Variants in SGMS1 observed in about 807,000 individuals in gnomAD.
SGMS1 encodes the protein sphingomyelin synthase 1.
Under a neutral mutation model 46.2 loss-of-function variants are expected in SGMS1, and 13 were observed. The observed-to-expected ratio is 0.28, with a 90% CI of 0.18 to 0.45. SGMS1 has a LOEUF of 0.45. Ranked by LOEUF, SGMS1 falls within the 20% of genes least tolerant of loss-of-function variation. The probability of loss-of-function intolerance (pLI) is 1.00; values close to 1 mark genes in which losing one functional copy is unlikely to be tolerated. For synonymous variants in SGMS1, 203 were observed against 187.8 expected (o/e 1.08, Z -0.66); for missense variants, 324 against 519.9 (o/e 0.62, Z 3.66).
chr10:50,560,339 TTATTAATA>T (rs1838224725), intron 2 of SGMS1, among the ~76,000 whole-genome samples: 2 of 137,768 alleles, frequency 1.5e-5, no homozygotes, highest in South Asian at 4.4e-4. Context: ...ATTATTAATA[TTATTAATA>T]ATATATATTA....
At chr10:50,420,309 CTTCTTTCATATCTGGACCA>C (rs1215394549) in intron 6 of SGMS1, among the ~76,000 whole-genome samples, 17 of 152,226 alleles carry the variant, frequency 1.1e-4, no homozygotes, top group African/African-American at 3.9e-4. Flanking sequence ...AACATGAAGG[CTTCTTTCATATCTGGACCA>C]TTTTTTCCAT....
At position 50,372,742 on chromosome 10, in the gene SGMS1, T is replaced by A. The variant is rs149019498; in HGVS notation, c.-231-28397A>T. ...GCTAAGATTTTTACATGGGAAAGTA[T>A]ATACCTCCTTTAATCATACCATTTC... is the stretch of plus-strand genomic sequence containing the variant. On this transcript the variant is annotated intron_variant, in intron 6 of 10. Transcript: ENST00000361781. Among the ~76,000 whole-genome samples, 318 of 152,192 alleles carry A rather than the reference T, an allele frequency of 2.1e-3. 2 individuals carry two copies. The highest frequency in any genetic ancestry group is 7.3e-3 in the African/African-American group (304 of 41,526).
chr10:50,459,553 G>A (rs964883970), intron 5 of SGMS1, among the ~76,000 whole-genome samples: 4 of 152,028 alleles, frequency 2.6e-5, no homozygotes, highest in Middle Eastern at 3.2e-3. Context: ...ACAGGCACCC[G>A]CCACCATGCC....
chr10:50,550,164 G>A (rs1013464423), intron 2 of SGMS1, among the ~76,000 whole-genome samples: 2 of 152,184 alleles, frequency 1.3e-5, no homozygotes, highest in African/African-American at 4.8e-5. Context: ...ACAACAGGCA[G>A]AGTAGATATT....
intron 6 of SGMS1, among the ~76,000 whole-genome samples, chr10:50,405,991 A>C (rs989503007): frequency 6.6e-6 from 1 of 152,218 alleles, no homozygotes; most frequent in Non-Finnish European, 1.5e-5. Flanking sequence ...ATGATGAAGT[A>C]CTACTGGAAG....
At chr10:50,422,858 G>A (rs572067174) in intron 6 of SGMS1, among the ~76,000 whole-genome samples, 12 of 152,146 alleles carry the variant, frequency 7.9e-5, no homozygotes, top group East Asian at 1.9e-4. Flanking sequence ...CAAAAGAGCC[G>A]TTACCACCCG....
At chr10:50,529,538 G>A (rs943267846) in intron 2 of SGMS1, among the ~76,000 whole-genome samples, 6 of 152,266 alleles carry the variant, frequency 3.9e-5, no homozygotes, top group East Asian at 1.9e-4. Context: ...GTCAGAAAAC[G>A]TGGAATTACA....
At chr10:50,510,547 T>C (rs1837744224) in intron 3 of SGMS1, among the ~76,000 whole-genome samples, 1 of 152,160 alleles carries the variant, frequency 6.6e-6, no homozygotes, top group Non-Finnish European at 1.5e-5. Context: ...CTTGGTATTA[T>C]CTGTTTTTGT....
At position 50,623,904 on chromosome 10, in the gene SGMS1, G is replaced by T; in HGVS notation, c.-881C>A. The T allele has an allele frequency of 1.9e-5, 19 of 987,032 alleles. No individual in the cohort carries two copies. The highest frequency in any genetic ancestry group is 2.2e-5 in the Non-Finnish European group (18 of 831,290). 61.1% of individuals were successfully genotyped at this position (987,032 alleles called of 1,614,324 possible). ...TGCCCGCCGCCTGCCGCCCGCAGCC[G>T]CTGCCCCGCTGGTGCGAACGCTTTC... On this transcript the variant is annotated 5_prime_UTR_variant, in exon 1 of 11. Transcript: ENST00000361781.
At chr10:50,617,623 C>CGTG (rs2131941705) in intron 1 of SGMS1, among the ~76,000 whole-genome samples, 1 of 152,136 alleles carries the variant, frequency 6.6e-6, no homozygotes, top group South Asian at 2.1e-4. Flanking sequence ...ACTCTGTCAC[C>CGTG]CAGGATGGAG....
chr10:50,510,666 C>T (rs1490232390), intron 3 of SGMS1, among the ~76,000 whole-genome samples: 2 of 151,424 alleles, frequency 1.3e-5, no homozygotes, highest in Non-Finnish European at 2.9e-5. Context: ...AAGATACAAA[C>T]ATTGTAGAAT....
At chr10:50,523,597 T>G (rs1350953951) in intron 2 of SGMS1, among the ~76,000 whole-genome samples, 1 of 152,230 alleles carries the variant, frequency 6.6e-6, no homozygotes, top group Non-Finnish European at 1.5e-5. Context: ...TGAAAGTTAG[T>G]TGCTCTTCTT....
intron 1 of SGMS1, among the ~76,000 whole-genome samples, chr10:50,608,947 A>G (rs1465689043): frequency 6.6e-6 from 1 of 152,198 alleles, no homozygotes; most frequent in African/African-American, 2.4e-5. Context: ...ACATAATACA[A>G]TGTAAATGCT....
At chr10:50,426,030 T>C (rs1046440997) in intron 6 of SGMS1, among the ~76,000 whole-genome samples, 4 of 152,292 alleles carry the variant, frequency 2.6e-5, no homozygotes, top group Admixed American at 2.6e-4. Flanking sequence ...AGGATATTAA[T>C]TAAAATAGAT....
chr10:50,592,906 A>AGCCTCCAAGATGGCCCATGGTGATATCC (rs1838555409), intron 1 of SGMS1, among the ~76,000 whole-genome samples: 1 of 151,776 alleles, frequency 6.6e-6, no homozygotes, highest in Non-Finnish European at 1.5e-5. Context: ...TGTGGTAGCC[A>AGCCTCCAAGATGGCCCATGGTGATATCC]GCCTCCAAGA....
At chr10:50,432,229 AAC>A (rs1229930621) in intron 6 of SGMS1, among the ~76,000 whole-genome samples, 2 of 152,214 alleles carry the variant, frequency 1.3e-5, no homozygotes, top group Non-Finnish European at 2.9e-5. Flanking sequence ...CTGGTTGTTA[AAC>A]ACAGTCATTA....
At chr10:50,441,720 A>T (rs997467307) in intron 5 of SGMS1, among the ~76,000 whole-genome samples, 2 of 152,246 alleles carry the variant, frequency 1.3e-5, no homozygotes, top group Non-Finnish European at 2.9e-5. Context: ...AATAAAACGC[A>T]CACAGATAAC....
intron 3 of SGMS1, among the ~76,000 whole-genome samples, chr10:50,512,693 T>C (rs1031110176): frequency 2.0e-5 from 3 of 152,228 alleles, no homozygotes; most frequent in African/African-American, 7.2e-5. Context: ...CTTCCACATG[T>C]AGAAATGGTT....
At chr10:50,510,564 T>A (rs1837744421) in intron 3 of SGMS1, among the ~76,000 whole-genome samples, 1 of 152,082 alleles carries the variant, frequency 6.6e-6, no homozygotes, top group East Asian at 1.9e-4. Flanking sequence ...TTGTTTTGTT[T>A]GTTTGCTTCT....
Sources: allele counts gnomAD v4.1 joint callset (sites outside exome capture counted in the v4.1 genomes callset), GRCh38; gene constraint gnomAD v4.1.1; transcripts MANE v1.5; gene names NCBI Gene and HGNC (gene_info 2026-07-23, HGNC 2026-07-21).